Variants in METTL24 observed in about 807,000 individuals in gnomAD.
The protein encoded by METTL24 is methyltransferase like 24, also known as probable methyltransferase-like protein 24.
METTL24 carries 29 observed loss-of-function variants against 32.7 expected under a neutral mutation model. That is an observed-to-expected ratio of 0.89 (90% CI 0.66 to 1.21). The LOEUF is 1.21. Among genes scored for constraint, METTL24 ranks in the 50% most tolerant of loss-of-function variants. The pLI, the probability that METTL24 is intolerant of heterozygous loss-of-function variation, is 0.00. For synonymous variants in METTL24, 163 were observed against 179.5 expected (o/e 0.91, Z 0.73); for missense variants, 439 against 468.1 (o/e 0.94, Z 0.57).
intron 1 of METTL24, among the ~76,000 whole-genome samples, chr6:110,344,875 G>C (rs1212495563): frequency 6.6e-6 from 1 of 152,176 alleles, no homozygotes; most frequent in Non-Finnish European, 1.5e-5. Flanking sequence ...AACGAGCAAA[G>C]ACTTCATGAC....
intron 1 of METTL24, among the ~76,000 whole-genome samples, chr6:110,326,429 G>T (rs114888516): frequency 0.027 from 4,162 of 152,234 alleles, 202 homozygotes; most frequent in African/African-American, 0.094. Flanking sequence ...TTAAATAAAT[G>T]TGTTATGCTT....
chr6:110,346,504 CT>C (rs3068847), intron 1 of METTL24, among the ~76,000 whole-genome samples: 19 of 133,936 alleles, frequency 1.4e-4, no homozygotes, highest in Admixed American at 2.3e-4. Context: ...CTCTCTCTCT[CT>C]TTTTTTTTTT....
At chr6:110,297,927 G>C (rs528880132) in intron 4 of METTL24, among the ~76,000 whole-genome samples, 3 of 152,182 alleles carry the variant, frequency 2.0e-5, no homozygotes, top group Admixed American at 2.0e-4. Context: ...TTGTTTAAAG[G>C]ATGAAGAGGA....
In METTL24 at chr6:110,345,222, A is replaced by G. The variant is rs533900485; in HGVS notation, c.318+12733T>C. 6.6e-5 allele frequency among the ~76,000 whole-genome samples: 10 copies of G among 152,362 alleles called. No homozygotes were observed. In the Middle Eastern group the frequency reaches 0.01, roughly 155 times the overall value. ...TAGAGAAATGTAAATCAAAACCACAATGAGATACCATCTCACACCAGTAAG... is the reference window on the plus strand; with the variant it reads ...TAGAGAAATGTAAATCAAAACCACAGTGAGATACCATCTCACACCAGTAAG... On this transcript the variant is annotated intron_variant, in intron 1 of 4. Coordinates refer to ENST00000338882, the MANE Select transcript of METTL24 (RefSeq NM_001123364.3).
chr6:110,296,034 G>C (rs1424205490), intron 4 of METTL24, among the ~76,000 whole-genome samples: 1 of 151,708 alleles, frequency 6.6e-6, no homozygotes, highest in Non-Finnish European at 1.5e-5. Flanking sequence ...TTGAGTGCCA[G>C]AGAGGTTAAA....
At chr6:110,256,527 T>C (rs1778387873) in intron 4 of METTL24, among the ~76,000 whole-genome samples, 1 of 152,170 alleles carries the variant, frequency 6.6e-6, no homozygotes, top group Non-Finnish European at 1.5e-5. Flanking sequence ...TTGTTGGGTA[T>C]CAAGTTCCTA....
At chr6:110,300,883 A>G (rs1396033007) in intron 3 of METTL24, among the ~76,000 whole-genome samples, 1 of 152,234 alleles carries the variant, frequency 6.6e-6, no homozygotes, top group East Asian at 1.9e-4. Context: ...ATTACATGGC[A>G]TTTACATCGT....
chr6:110,303,140 C>T (rs905984535), intron 3 of METTL24, among the ~76,000 whole-genome samples: 15 of 152,290 alleles, frequency 9.8e-5, no homozygotes, highest in South Asian at 2.1e-4. Flanking sequence ...CCGGATACTA[C>T]GCTTTTCCCA....
At chr6:110,270,456 G>A (rs1040852858) in intron 4 of METTL24, among the ~76,000 whole-genome samples, 3 of 152,096 alleles carry the variant, frequency 2.0e-5, no homozygotes, top group Non-Finnish European at 2.9e-5. Context: ...ATGGGGCTAA[G>A]CAGACAGTCA....
intron 4 of METTL24, among the ~76,000 whole-genome samples, chr6:110,266,213 A>C (rs1770855618): frequency 6.6e-6 from 1 of 152,064 alleles, no homozygotes; most frequent in Non-Finnish European, 1.5e-5. Flanking sequence ...CAGGAAAAAA[A>C]AAATGCTTCT....
intron 1 of METTL24, among the ~76,000 whole-genome samples, chr6:110,351,511 C>A (rs761528825): frequency 6.6e-6 from 1 of 152,074 alleles, no homozygotes; most frequent in Non-Finnish European, 1.5e-5. Flanking sequence ...CCAAAGCTAC[C>A]CTATACTCTG....
chr6:110,251,345 T>TATTC (rs1390109610), intron 4 of METTL24, among the ~76,000 whole-genome samples: 3 of 152,230 alleles, frequency 2.0e-5, no homozygotes, highest in Non-Finnish European at 4.4e-5. Flanking sequence ...ATAAAGCCTT[T>TATTC]ATTCATCAGA....
chr6:110,253,994 C>A, intron 4 of METTL24: 2 of 1,303,252 alleles, frequency 1.5e-6, no homozygotes, highest in Non-Finnish European at 2.0e-6. Flanking sequence ...AGCAGCTCCC[C>A]TTTGATCTCC....
At chr6:110,264,448 C>T (rs1375306118) in intron 4 of METTL24, among the ~76,000 whole-genome samples, 16 of 152,120 alleles carry the variant, frequency 1.1e-4, no homozygotes, top group East Asian at 3.9e-4. Flanking sequence ...GTTAGAATGG[C>T]GATCATTAAA....
intron 3 of METTL24, among the ~76,000 whole-genome samples, chr6:110,305,999 A>G (rs1037699978): frequency 6.6e-6 from 1 of 152,250 alleles, no homozygotes; most frequent in African/African-American, 2.4e-5. Flanking sequence ...GCAGTCATAA[A>G]AAAGGTTGAG....
intron 4 of METTL24, among the ~76,000 whole-genome samples, chr6:110,247,872 G>A (rs961445945): frequency 2.0e-5 from 3 of 152,088 alleles, no homozygotes; most frequent in South Asian, 2.1e-4. Flanking sequence ...CTATTCTGAC[G>A]TAGTTTGGAT....
intron 4 of METTL24, among the ~76,000 whole-genome samples, chr6:110,285,805 G>C (rs1378371188): frequency 6.6e-6 from 1 of 152,172 alleles, no homozygotes; most frequent in Non-Finnish European, 1.5e-5. Context: ...CCCTCAAGAG[G>C]CACTTGGTTC....
At position 110,246,008 on chromosome 6, in the gene METTL24, T is replaced by G; in HGVS notation, c.1039A>C (p.Lys347Gln). The change falls in exon 5 of 5, where the codon AAA becomes CAA. Residue 347 changes from lysine to glutamine, a missense_variant. Transcript: ENST00000338882. ...CAGCTACTTGCATTGAAAATGTCTTTCTTCAAGAATAGCTGAGGTTTAGAT... is the reference window on the plus strand; with the variant it reads ...CAGCTACTTGCATTGAAAATGTCTTGCTTCAAGAATAGCTGAGGTTTAGAT... Reference protein sequence around the residue: ...DLSKPQLFLKKDIFNASSCYT... With the variant: ...DLSKPQLFLKQDIFNASSCYT... 1 of 1,614,222 alleles carries G rather than the reference T, an allele frequency of 6.2e-7. No individual in the cohort carries two copies.
intron 1 of METTL24, among the ~76,000 whole-genome samples, chr6:110,348,674 TCG>T: frequency 6.6e-6 from 1 of 152,314 alleles, no homozygotes; most frequent in East Asian, 1.9e-4. Context: ...TGTTTGGAGG[TCG>T]TTCAACCAGC....
Sources: allele counts gnomAD v4.1 joint callset (sites outside exome capture counted in the v4.1 genomes callset), GRCh38; gene constraint gnomAD v4.1.1; transcripts MANE v1.5; gene names NCBI Gene and HGNC (gene_info 2026-07-23, HGNC 2026-07-21).